TMEM178A: variants seen among roughly 807,000 people sequenced by gnomAD.
The protein encoded by TMEM178A is transmembrane protein 178.
TMEM178A carries 12 observed loss-of-function variants against 29.1 expected under a neutral mutation model. The observed-to-expected ratio is 0.41, with a 90% CI of 0.26 to 0.67. The LOEUF (loss-of-function observed/expected upper bound fraction) is 0.67. Ranked by LOEUF, TMEM178A falls within the 30% of genes least tolerant of loss-of-function variation. The pLI is 0.29. For synonymous variants in TMEM178A, 210 were observed against 187.2 expected (o/e 1.12, Z -0.99); for missense variants, 366 against 419.1 (o/e 0.87, Z 1.11).
At chr2:39,667,380 G>A (rs1450966087) in intron 1 of TMEM178A, among the ~76,000 whole-genome samples, 1 of 146,736 alleles carries the variant, frequency 6.8e-6, no homozygotes, top group Non-Finnish European at 1.5e-5. Flanking sequence ...AAAATATTCA[G>A]TGTGACAACT....
chr2:39,677,048 A>C (rs1468970622), intron 1 of TMEM178A, among the ~76,000 whole-genome samples: 1 of 152,180 alleles, frequency 6.6e-6, no homozygotes, highest in Non-Finnish European at 1.5e-5. Flanking sequence ...GGGAATATTA[A>C]TGTACTTTAA....
At chr2:39,674,476 G>A (rs754486340) in intron 1 of TMEM178A, among the ~76,000 whole-genome samples, 5 of 152,200 alleles carry the variant, frequency 3.3e-5, no homozygotes, top group Non-Finnish European at 5.9e-5. Context: ...AGGACTCAAA[G>A]GCATAAGAAT....
intron 1 of TMEM178A, among the ~76,000 whole-genome samples, chr2:39,669,612 C>G (rs993449860): frequency 2.6e-5 from 4 of 152,186 alleles, no homozygotes; most frequent in African/African-American, 9.7e-5. Flanking sequence ...TTAGCCAGAA[C>G]CTTCAGAAAG....
At chr2:39,695,138 C>T (rs1423839074) in intron 1 of TMEM178A, among the ~76,000 whole-genome samples, 1 of 152,156 alleles carries the variant, frequency 6.6e-6, no homozygotes, top group Non-Finnish European at 1.5e-5. Flanking sequence ...TGTCCTATGA[C>T]TGCATGATTG....
intron 2 of TMEM178A, among the ~76,000 whole-genome samples, chr2:39,704,491 C>A (rs1338013799): frequency 6.6e-6 from 1 of 152,170 alleles, no homozygotes; most frequent in Non-Finnish European, 1.5e-5. Flanking sequence ...GTGTAAGGAC[C>A]TGCTGTACCC....
chr2:39,667,516 G>C (rs1670222540), intron 1 of TMEM178A, among the ~76,000 whole-genome samples: 1 of 151,912 alleles, frequency 6.6e-6, no homozygotes, highest in Non-Finnish European at 1.5e-5. Context: ...TCCAAAATCA[G>C]TACATTTTAA....
chr2:39,726,334 T>C, the TMEM178A span, among the ~76,000 whole-genome samples: 1 of 152,134 alleles, frequency 6.6e-6, no homozygotes, highest in African/African-American at 2.4e-5. Context: ...CTGAGGAATG[T>C]CCAGGAAGGG....
At chr2:39,678,568 A>T (rs1205781562) in intron 1 of TMEM178A, among the ~76,000 whole-genome samples, 4 of 152,164 alleles carry the variant, frequency 2.6e-5, no homozygotes, top group African/African-American at 9.7e-5. Context: ...GATAATAGGG[A>T]GTGACTGCTT....
intron 1 of TMEM178A, among the ~76,000 whole-genome samples, chr2:39,671,231 C>G (rs1298613076): frequency 2.6e-5 from 4 of 152,166 alleles, no homozygotes; most frequent in Non-Finnish European, 4.4e-5. Flanking sequence ...GCTTTTCACT[C>G]TGCTCATGAT....
At chr2:39,681,192 T>G (rs867794003) in intron 1 of TMEM178A, among the ~76,000 whole-genome samples, 3 of 152,234 alleles carry the variant, frequency 2.0e-5, no homozygotes, top group South Asian at 2.1e-4. Flanking sequence ...ATGATTATAA[T>G]GGCAGATCTG....
At chr2:39,735,599 G>T in the TMEM178A span, among the ~76,000 whole-genome samples, 1 of 152,086 alleles carries the variant, frequency 6.6e-6, no homozygotes, top group Non-Finnish European at 1.5e-5. Flanking sequence ...CACATTACTG[G>T]GGGCCTCTTG....
At chr2:39,712,795 C>A (rs1453537659) in intron 3 of TMEM178A, among the ~76,000 whole-genome samples, 1 of 152,132 alleles carries the variant, frequency 6.6e-6, no homozygotes, top group Non-Finnish European at 1.5e-5. Context: ...CATGGATCTT[C>A]AGGAAGGACC....
chr2:39,698,097 T>C (rs1368647396), intron 1 of TMEM178A: 1 of 152,242 alleles, frequency 6.6e-6, no homozygotes, highest in Non-Finnish European at 1.5e-5. Context: ...TTGGAAAGAT[T>C]GTTTTTTATT....
chr2:39,671,746 C>T (rs956383100), intron 1 of TMEM178A, among the ~76,000 whole-genome samples: 11 of 152,126 alleles, frequency 7.2e-5, no homozygotes, highest in African/African-American at 2.2e-4. Context: ...CATTTTCATG[C>T]CACTGTCCAA....
intron 1 of TMEM178A, among the ~76,000 whole-genome samples, chr2:39,669,174 T>A (rs1019694295): frequency 3.3e-5 from 5 of 152,150 alleles, no homozygotes; most frequent in Non-Finnish European, 2.9e-5. Context: ...GCTCAAGAAC[T>A]GTCTGGCATG....
At chr2:39,704,464 G>C (rs549505530) in intron 2 of TMEM178A, among the ~76,000 whole-genome samples, 12 of 152,102 alleles carry the variant, frequency 7.9e-5, no homozygotes, top group Admixed American at 7.9e-4. Flanking sequence ...TGAATCTTTT[G>C]TTTGCCGAGT....
At chr2:39,706,174 A>C (rs1672024463) in intron 2 of TMEM178A, among the ~76,000 whole-genome samples, 1 of 152,180 alleles carries the variant, frequency 6.6e-6, no homozygotes, top group Non-Finnish European at 1.5e-5. Flanking sequence ...TTTGTCAGGC[A>C]TGTGGGGAAA....
In TMEM178A at chr2:39,716,449, T is replaced by C. The variant is rs555836849; in HGVS notation, c.653-561T>C. Among the ~76,000 whole-genome samples, 5 of 152,320 alleles carry C rather than the reference T, an allele frequency of 3.3e-5. No homozygotes were observed. The South Asian group carries it at 1.0e-3, about 32-fold the overall frequency. On this transcript the variant is annotated intron_variant, in intron 3 of 3. Transcript: ENST00000281961. ...CCTTGCTCAGCTATTTTACATCATATGGTATATGTAAGACTGTGCCTTAAC... is the reference window on the plus strand; with the variant it reads ...CCTTGCTCAGCTATTTTACATCATACGGTATATGTAAGACTGTGCCTTAAC...
At chr2:39,686,172 A>T (rs1455017233) in intron 1 of TMEM178A, among the ~76,000 whole-genome samples, 1 of 152,166 alleles carries the variant, frequency 6.6e-6, no homozygotes, top group Non-Finnish European at 1.5e-5. Context: ...GACTTTGGAA[A>T]ATTCACGTAC....
Sources: allele counts gnomAD v4.1 joint callset (sites outside exome capture counted in the v4.1 genomes callset), GRCh38; gene constraint gnomAD v4.1.1; transcripts MANE v1.5; gene names NCBI Gene and HGNC (gene_info 2026-07-23, HGNC 2026-07-21).